GLIS3: variants seen among roughly 807,000 people sequenced by gnomAD.
The protein encoded by GLIS3 is zinc finger protein GLIS3.
Under a neutral mutation model 78.6 loss-of-function variants are expected in GLIS3, and 53 were observed. The observed-to-expected ratio is 0.67, with a 90% CI of 0.54 to 0.85. The LOEUF is 0.85. Among genes scored for constraint, GLIS3 ranks in the 40% least tolerant of loss-of-function variants. The pLI, the probability that GLIS3 is intolerant of heterozygous loss-of-function variation, is 0.00. For missense variants in GLIS3, 1,703 were observed against 1,231.1 expected, an observed-to-expected ratio of 1.38 and a Z score of -5.74; for synonymous variants, 684 against 509.9, an observed-to-expected ratio of 1.34 and a Z score of -4.60.
At chr9:3,978,723 T>C (rs1248335648) in intron 4 of GLIS3, among the ~76,000 whole-genome samples, 1 of 152,098 alleles carries the variant, frequency 6.6e-6, no homozygotes, top group East Asian at 1.9e-4. Context: ...ATTTGATTAT[T>C]ATATTCGAAT....
the GLIS3 span, among the ~76,000 whole-genome samples, chr9:4,473,234 T>C: frequency 6.6e-6 from 1 of 151,932 alleles, no homozygotes. Flanking sequence ...TACGCAGCCA[T>C]AGAAAGAATG....
At chr9:4,132,261 C>T (rs1833034706) in intron 2 of GLIS3, among the ~76,000 whole-genome samples, 1 of 152,004 alleles carries the variant, frequency 6.6e-6, no homozygotes, top group African/African-American at 2.4e-5. Context: ...ATTCTGAGTA[C>T]CACATACATT....
At chr9:4,427,267 G>A in the GLIS3 span, among the ~76,000 whole-genome samples, 8 of 152,064 alleles carry the variant, frequency 5.3e-5, no homozygotes, top group African/African-American at 1.2e-4. Context: ...TTATATCATC[G>A]TGAAGCATAT....
the GLIS3 span, among the ~76,000 whole-genome samples, chr9:4,421,664 C>T: frequency 1.3e-5 from 2 of 152,232 alleles, no homozygotes; most frequent in African/African-American, 4.8e-5. Context: ...AGCTCACTGC[C>T]TTGTCTGCAG....
intron 1 of GLIS3, among the ~76,000 whole-genome samples, chr9:4,287,283 T>C (rs1828083351): frequency 6.6e-6 from 1 of 152,122 alleles, no homozygotes; most frequent in Non-Finnish European, 1.5e-5. Flanking sequence ...AAGTGACCTG[T>C]CCAGTATGTA....
chr9:3,898,850 CG>C lies in GLIS3; in HGVS notation c.1984-16del. On this transcript the variant is annotated splice_polypyrimidine_tract_variant and intron_variant, in intron 6 of 10. Transcript: ENST00000381971. ...CTGGACCGCAACTAAGAGGACAAAACGGAAGAGACATCGATAAGGAGAGCCG... is the reference window on the plus strand; with the variant it reads ...CTGGACCGCAACTAAGAGGACAAAACGAAGAGACATCGATAAGGAGAGCCG... 9 of 1,613,838 alleles carry C rather than the reference CG, an allele frequency of 5.6e-6. No homozygotes were observed. Among genetic ancestry groups the C allele is most frequent in the Non-Finnish European group, 7.6e-6 (9 of 1,180,034 alleles).
intron 2 of GLIS3, among the ~76,000 whole-genome samples, chr9:4,316,133 C>T (rs994382347): frequency 1.3e-5 from 2 of 152,168 alleles, no homozygotes; most frequent in African/African-American, 4.8e-5. Context: ...TCTCCTAATG[C>T]CACTGTCAGT....
the GLIS3 span, among the ~76,000 whole-genome samples, chr9:4,359,134 C>T: frequency 6.6e-6 from 1 of 152,104 alleles, no homozygotes; most frequent in Non-Finnish European, 1.5e-5. Context: ...GTGGCTTCTT[C>T]CAGTTAAGTC....
At chr9:4,150,258 T>C (rs973399563) in intron 2 of GLIS3, among the ~76,000 whole-genome samples, 4 of 152,218 alleles carry the variant, frequency 2.6e-5, no homozygotes, top group African/African-American at 9.6e-5. Context: ...AGCCCAAACT[T>C]TGATCTTACA....
At chr9:4,164,082 T>C (rs1835702992) in intron 2 of GLIS3, among the ~76,000 whole-genome samples, 1 of 152,226 alleles carries the variant, frequency 6.6e-6, no homozygotes, top group Non-Finnish European at 1.5e-5. Flanking sequence ...TGCAAAGGTC[T>C]ATATGCTGGT....
intron 6 of GLIS3, among the ~76,000 whole-genome samples, chr9:3,919,509 A>G (rs1824730619): frequency 6.6e-6 from 1 of 152,122 alleles, no homozygotes; most frequent in African/African-American, 2.4e-5. Flanking sequence ...GAGGAGGAGA[A>G]TCAGAAAAAA....
intron 2 of GLIS3, among the ~76,000 whole-genome samples, chr9:4,161,503 A>T (rs1401741894): frequency 6.6e-6 from 1 of 152,004 alleles, no homozygotes; most frequent in Non-Finnish European, 1.5e-5. Flanking sequence ...TTTCCCCTTT[A>T]GTCAGTGTCT....
At chr9:4,359,385 T>C in the GLIS3 span, among the ~76,000 whole-genome samples, 1 of 152,184 alleles carries the variant, frequency 6.6e-6, no homozygotes, top group African/African-American at 2.4e-5. Flanking sequence ...AACAGCTGCT[T>C]ACCTTCCTTC....
chr9:4,093,198 G>A (rs1403451873), intron 4 of GLIS3, among the ~76,000 whole-genome samples: 1 of 151,658 alleles, frequency 6.6e-6, no homozygotes, highest in Non-Finnish European at 1.5e-5. Flanking sequence ...GCAGAGTCAT[G>A]ATTTAAATCC....
chr9:4,405,573 G>C, the GLIS3 span, among the ~76,000 whole-genome samples: 4 of 152,088 alleles, frequency 2.6e-5, no homozygotes, highest in South Asian at 6.2e-4. Flanking sequence ...ACAATATTGA[G>C]GCTGTAATAA....
At chr9:4,021,984 GTGTT>G (rs1430815302) in intron 4 of GLIS3, among the ~76,000 whole-genome samples, 2 of 152,166 alleles carry the variant, frequency 1.3e-5, no homozygotes, top group Admixed American at 6.5e-5. Flanking sequence ...CTCGGTTAGT[GTGTT>G]TGTTTGTTTT....
At position 4,076,295 on chromosome 9, in the gene GLIS3, G is replaced by A. The variant is rs192899724; in HGVS notation, c.1710+41473C>T. On this transcript the variant is annotated intron_variant, in intron 4 of 10. Transcript: ENST00000381971. ...AAATTTACCACGGAGTAACATAATT[G>A]CAAAAGAAAAAGAATGCCATCTTAG... Among the ~76,000 whole-genome samples the A allele has an allele frequency of 9.2e-5, 14 of 152,170 alleles. No homozygotes were observed. The East Asian group carries it at 2.3e-3, about 25-fold the overall frequency.
chr9:4,004,918 A>C (rs1224212413), intron 4 of GLIS3, among the ~76,000 whole-genome samples: 1 of 152,334 alleles, frequency 6.6e-6, no homozygotes, highest in East Asian at 1.9e-4. Flanking sequence ...ATACATTTAA[A>C]ATGTAATTGA....
intron 4 of GLIS3, among the ~76,000 whole-genome samples, chr9:3,987,101 T>A (rs1402951290): frequency 6.6e-6 from 1 of 151,494 alleles, no homozygotes; most frequent in Non-Finnish European, 1.5e-5. Context: ...ATGGAAAAAA[T>A]TAGAAAATTC....
Sources: gnomAD v4.1 joint callset for allele counts (sites outside exome capture counted in the v4.1 genomes callset) on GRCh38, gnomAD v4.1.1 for gene constraint, MANE v1.5 for transcripts, NCBI Gene and HGNC (gene_info 2026-07-23, HGNC 2026-07-21) for gene names.